The following CA10 variants were observed in gnomAD, a reference collection of about 807,000 sequenced individuals.
The protein encoded by CA10 is carbonic anhydrase-related protein 10.
CA10 carries 14 observed loss-of-function variants against 44.2 expected under a neutral mutation model. The ratio of observed to expected loss-of-function variants is 0.32; its 90% CI spans 0.21 to 0.50. The LOEUF (loss-of-function observed/expected upper bound fraction) is 0.50, where lower values mean the gene tolerates loss of function less well. CA10 is among the 20% of genes least tolerant of loss of function. The pLI, the probability that CA10 is intolerant of heterozygous loss-of-function variation, is 0.99. For missense variants in CA10, 350 were observed against 409.7 expected (o/e 0.85, Z 1.26); for synonymous variants, 159 against 141.6 (o/e 1.12, Z -0.87).
At position 51,635,870 on chromosome 17, in the gene CA10, A is replaced by G. The variant is rs755693707; in HGVS notation, c.774T>C (p.Tyr258=). 1.3e-6 allele frequency: 2 copies of G among 1,595,786 alleles called. No homozygotes were observed. Among genetic ancestry groups the G allele is most frequent in the Non-Finnish European group, 8.5e-7 (1 of 1,169,706 alleles). ...AGAAACTCACCTGCATCCTGGTTAT[A>G]TAGACAGGTTTGTTCATTATGATCC... is the stretch of plus-strand genomic sequence containing the variant. ...ASWIIMNKPV[Y]ITRMQMHSLR... The change falls in exon 7 of 9, where the codon TAT becomes TAC. Residue 258 remains tyrosine, a synonymous_variant. Coordinates refer to ENST00000451037, the MANE Select transcript of CA10 (RefSeq NM_020178.5).
chr17:52,086,418 C>T (rs1988118421), intron 1 of CA10, among the ~76,000 whole-genome samples: 1 of 152,072 alleles, frequency 6.6e-6, no homozygotes, highest in African/African-American at 2.4e-5. Flanking sequence ...GTAGGTCAAG[C>T]CAGAATGGAA....
At chr17:51,650,449 T>C (rs772753056) in intron 5 of CA10, among the ~76,000 whole-genome samples, 1 of 152,228 alleles carries the variant, frequency 6.6e-6, no homozygotes, top group Non-Finnish European at 1.5e-5. Flanking sequence ...GACTGTTTAT[T>C]TTCCCTCCAT....
Position 51,730,282 on chromosome 17 carries a change from C to A in CA10, c.465+17351G>T, listed in dbSNP as rs72832646. Among the ~76,000 whole-genome samples, 357 of 152,292 alleles carry A rather than the reference C, an allele frequency of 2.3e-3. 1 individual carries two copies. Among genetic ancestry groups the A allele is most frequent in the Non-Finnish European group, 3.7e-3 (250 of 68,030 alleles). On this transcript the variant is annotated intron_variant, in intron 4 of 8. Transcript: ENST00000451037. Reference sequence around the variant, plus strand: ...GTATCTGTGAGGAATTAATATTATTCATTATACAGAGTTTTGGATTATTCA... The same window carrying A: ...GTATCTGTGAGGAATTAATATTATTAATTATACAGAGTTTTGGATTATTCA...
At chr17:51,983,575 T>A (rs1263536482) in intron 2 of CA10, among the ~76,000 whole-genome samples, 1 of 150,952 alleles carries the variant, frequency 6.6e-6, no homozygotes, top group Non-Finnish European at 1.5e-5. Context: ...AAGGTGTTTT[T>A]TTTTCCAGAT....
At chr17:52,050,160 C>T (rs955367888) in intron 2 of CA10, among the ~76,000 whole-genome samples, 1 of 152,068 alleles carries the variant, frequency 6.6e-6, no homozygotes, top group African/African-American at 2.4e-5. Flanking sequence ...CACCCCAAAC[C>T]TGAATCACCT....
intron 3 of CA10, among the ~76,000 whole-genome samples, chr17:51,779,672 G>T (rs981400233): frequency 6.6e-6 from 1 of 152,168 alleles, no homozygotes; most frequent in Non-Finnish European, 1.5e-5. Flanking sequence ...CTTCTATGTC[G>T]GGATTCCCAA....
At chr17:52,076,209 A>G (rs932750785) in intron 1 of CA10, among the ~76,000 whole-genome samples, 1 of 152,224 alleles carries the variant, frequency 6.6e-6, no homozygotes, top group African/African-American at 2.4e-5. Context: ...TATCAATTTA[A>G]GAAACATCTA....
chr17:51,913,269 C>A (rs981880512), intron 3 of CA10, among the ~76,000 whole-genome samples: 1 of 152,126 alleles, frequency 6.6e-6, no homozygotes, highest in Non-Finnish European at 1.5e-5. Flanking sequence ...GAGTGAGAAT[C>A]CCCAGAAAAG....
chr17:51,918,851 A>G (rs188883729), intron 3 of CA10, among the ~76,000 whole-genome samples: 282 of 152,340 alleles, frequency 1.9e-3, no homozygotes, highest in Non-Finnish European at 2.8e-3. Context: ...CTAACTTTTT[A>G]AAACGTTAAG....
chr17:51,934,017 G>A (rs560018075), intron 2 of CA10, among the ~76,000 whole-genome samples: 3 of 152,120 alleles, frequency 2.0e-5, no homozygotes, highest in South Asian at 4.2e-4. Flanking sequence ...CCCACTTCAC[G>A]ATCAAAGCCT....
At chr17:51,886,000 C>T (rs1046138145) in intron 3 of CA10, among the ~76,000 whole-genome samples, 12 of 152,122 alleles carry the variant, frequency 7.9e-5, no homozygotes, top group African/African-American at 2.9e-4. Flanking sequence ...CAAAAGCCTT[C>T]GAGAAAAGGC....
chr17:51,922,649 T>G (rs1017189707), intron 3 of CA10, among the ~76,000 whole-genome samples: 1 of 152,166 alleles, frequency 6.6e-6, no homozygotes, highest in Non-Finnish European at 1.5e-5. Flanking sequence ...AGTTCCTTTT[T>G]CGGTACTATC....
At chr17:51,705,898 GT>G (rs1480399377) in intron 4 of CA10, among the ~76,000 whole-genome samples, 1 of 152,140 alleles carries the variant, frequency 6.6e-6, no homozygotes, top group African/African-American at 2.4e-5. Context: ...GGTAGGGGTA[GT>G]TTTTTTCAGT....
At chr17:52,125,695 T>C (rs1989104634) in intron 1 of CA10, among the ~76,000 whole-genome samples, 1 of 152,180 alleles carries the variant, frequency 6.6e-6, no homozygotes. Flanking sequence ...TTTTTCTTCT[T>C]TAATATATTT....
At chr17:51,795,007 G>A (rs1906652851) in intron 3 of CA10, among the ~76,000 whole-genome samples, 2 of 152,188 alleles carry the variant, frequency 1.3e-5, no homozygotes, top group Non-Finnish European at 2.9e-5. Context: ...GATGGCATCA[G>A]GAAAGAGGCT....
At chr17:51,928,069 G>T (rs1982502073) in intron 3 of CA10, among the ~76,000 whole-genome samples, 1 of 152,070 alleles carries the variant, frequency 6.6e-6, no homozygotes, top group South Asian at 2.1e-4. Context: ...AAATGTTTGG[G>T]ATCATAAGTG....
chr17:52,154,115 T>C (rs111896360), intron 1 of CA10, among the ~76,000 whole-genome samples: 1 of 152,180 alleles, frequency 6.6e-6, no homozygotes, highest in African/African-American at 2.4e-5. Context: ...AACTTTTACT[T>C]CCAAATTCTC....
intron 3 of CA10, among the ~76,000 whole-genome samples, chr17:51,842,958 CTTA>C (rs2143807919): frequency 6.6e-6 from 1 of 152,254 alleles, no homozygotes; most frequent in Non-Finnish European, 1.5e-5. Context: ...CATATGCAGG[CTTA>C]TTAAGTTATG....
intron 2 of CA10, among the ~76,000 whole-genome samples, chr17:52,016,769 C>T (rs1680136056): frequency 6.6e-6 from 1 of 151,918 alleles, no homozygotes; most frequent in Admixed American, 6.6e-5. Context: ...AAAAATTATC[C>T]AAGTGTGGTG....
Sources: gnomAD v4.1 joint callset for allele counts (sites outside exome capture counted in the v4.1 genomes callset) on GRCh38, gnomAD v4.1.1 for gene constraint, MANE v1.5 for transcripts, NCBI Gene and HGNC (gene_info 2026-07-23, HGNC 2026-07-21) for gene names.